Variants in RDX observed in about 807,000 individuals in gnomAD.
RDX encodes deafness, autosomal recessive 24.
RDX carries 32 observed loss-of-function variants against 83.7 expected under a neutral mutation model. The observed-to-expected ratio is 0.38, with a 90% CI of 0.29 to 0.51. RDX has a LOEUF of 0.51. RDX is among the 20% of genes least tolerant of loss of function. RDX has a pLI of 0.87. For missense variants in RDX, 600 were observed against 689.9 expected, an observed-to-expected ratio of 0.87 and a Z score of 1.46; for synonymous variants, 229 against 222.7, an observed-to-expected ratio of 1.03 and a Z score of -0.25.
intron 14 of RDX, among the ~76,000 whole-genome samples, chr11:110,201,903 T>TGTGTGTG (rs1863419936): frequency 7.3e-6 from 1 of 137,220 alleles, no homozygotes; most frequent in Non-Finnish European, 1.6e-5. Context: ...CCGGCTAATT[T>TGTGTGTG]TGTGTGTGTG....
intron 14 of RDX, among the ~76,000 whole-genome samples, chr11:110,217,006 A>T (rs74982988): frequency 0.019 from 2,854 of 152,244 alleles, 95 homozygotes; most frequent in African/African-American, 0.065. Flanking sequence ...CACTCTTTGG[A>T]CAGAGCAGGA....
chr11:110,236,307 T>C lies in RDX; in HGVS notation c.1252-116A>G, dbSNP rs575855028. The C allele has an allele frequency of 6.7e-6, 5 of 747,076 alleles. No individual in the cohort carries two copies. In the East Asian group the frequency reaches 1.4e-4, roughly 20 times the overall value. 46.3% of individuals were successfully genotyped at this position (747,076 alleles called of 1,614,324 possible). A position where few individuals can be genotyped will look rare whatever the true frequency, so the allele number is the denominator to read the frequency against. On this transcript the variant is annotated intron_variant, in intron 11 of 13. Transcript: ENST00000645495. ...TTTATGTTTTTCTTAGCCTTCCATT[T>C]AAAAAAATACAGTATTTCTTAAGAT...
At chr11:110,218,843 A>G (rs1864148521) in intron 14 of RDX, among the ~76,000 whole-genome samples, 1 of 152,160 alleles carries the variant, frequency 6.6e-6, no homozygotes, top group African/African-American at 2.4e-5. Flanking sequence ...CTGCAGTAAG[A>G]TCAGGTGCCT....
intron 2 of RDX, among the ~76,000 whole-genome samples, chr11:110,274,898 C>T (rs1024166724): frequency 1.5e-4 from 23 of 152,178 alleles, no homozygotes; most frequent in East Asian, 5.8e-4. Flanking sequence ...TACATGTCTC[C>T]GAGTGTCAGA....
chr11:110,209,000 A>G (rs1018594736), intron 14 of RDX, among the ~76,000 whole-genome samples: 3 of 152,216 alleles, frequency 2.0e-5, no homozygotes, highest in Non-Finnish European at 4.4e-5. Flanking sequence ...ATGGCCGAAT[A>G]GGAACAGCTC....
chr11:110,209,931 C>A (rs1170321860), intron 14 of RDX, among the ~76,000 whole-genome samples: 3 of 148,568 alleles, frequency 2.0e-5, no homozygotes, highest in Non-Finnish European at 4.5e-5. Flanking sequence ...AGCAGAGTGC[C>A]TCTCCTCCTC....
At chr11:110,260,282 G>A (rs191522506) in intron 5 of RDX, among the ~76,000 whole-genome samples, 140 of 152,060 alleles carry the variant, frequency 9.2e-4, no homozygotes, top group African/African-American at 3.1e-3. Flanking sequence ...CACCACACCC[G>A]GCTGGAAACT....
At chr11:110,181,141 C>T (rs973164082) in intron 15 of RDX, among the ~76,000 whole-genome samples, 8 of 149,548 alleles carry the variant, frequency 5.3e-5, no homozygotes, top group African/African-American at 7.4e-5. Flanking sequence ...CACACACACA[C>T]GCACACCAGC....
intron 2 of RDX, among the ~76,000 whole-genome samples, chr11:110,274,388 T>TA (rs553745581): frequency 8.5e-5 from 13 of 152,232 alleles, no homozygotes; most frequent in Non-Finnish European, 1.8e-4. Flanking sequence ...GTTTGTAAAA[T>TA]AGCTTCATTT....
At chr11:110,209,245 C>T (rs549651382) in intron 14 of RDX, among the ~76,000 whole-genome samples, 32 of 152,288 alleles carry the variant, frequency 2.1e-4, no homozygotes, top group African/African-American at 7.2e-4. Flanking sequence ...CCTGGAAAAT[C>T]GGGTCACTCC....
intron 3 of RDX, among the ~76,000 whole-genome samples, chr11:110,269,155 T>C (rs1188115611): frequency 6.6e-6 from 1 of 152,092 alleles, no homozygotes; most frequent in Admixed American, 6.5e-5. Flanking sequence ...TTTTGCAATA[T>C]TGGACAGGAA....
intron 15 of RDX, among the ~76,000 whole-genome samples, chr11:110,186,955 T>C (rs998599604): frequency 4.6e-5 from 7 of 152,176 alleles, no homozygotes; most frequent in South Asian, 2.1e-4. Flanking sequence ...CAGCCAGAAC[T>C]GGGCAGCAAA....
Position 110,216,378 on chromosome 11 carries a change from T to A in RDX, c.1748+15495A>T, listed in dbSNP as rs554458434. Among the ~76,000 whole-genome samples the A allele has an allele frequency of 4.4e-4, 58 of 131,316 alleles. 1 individual carries two copies. The South Asian group carries it at 0.012, about 27-fold the overall frequency. 86.1% of individuals were successfully genotyped at this position (131,316 alleles called of 152,430 possible). On this transcript the variant is annotated intron_variant, in intron 14 of 15. Transcript: ENST00000528498. ...GTTTGGCTTGCCAAACTTTTTCTAA[T>A]TTTTTTTTTTTTGAAACAGGGTCTT...
intron 15 of RDX, among the ~76,000 whole-genome samples, chr11:110,177,915 G>A (rs1369401332): frequency 6.6e-6 from 1 of 151,896 alleles, no homozygotes; most frequent in Non-Finnish European, 1.5e-5. Flanking sequence ...CATTCCCTGT[G>A]CCCTCCCCGA....
intron 10 of RDX, among the ~76,000 whole-genome samples, chr11:110,242,215 A>G (rs1865126152): frequency 6.6e-6 from 1 of 152,096 alleles, no homozygotes; most frequent in Admixed American, 6.6e-5. Flanking sequence ...CACTTTGGGA[A>G]GCCTAGGCGG....
At chr11:110,224,589 C>G (rs952789058), downstream of RDX, among the ~76,000 whole-genome samples, 2 of 152,154 alleles carry the variant, frequency 1.3e-5, no homozygotes, top group Admixed American at 6.6e-5. Context: ...TCTTGCATGT[C>G]TTTAATTTCT....
At chr11:110,259,229 C>T (rs1024819642) in intron 5 of RDX, among the ~76,000 whole-genome samples, 51 of 152,280 alleles carry the variant, frequency 3.3e-4, no homozygotes, top group African/African-American at 1.2e-3. Context: ...TGAGCTACCA[C>T]GCCCAGCCAA....
intron 12 of RDX, among the ~76,000 whole-genome samples, chr11:110,234,729 A>T (rs1466726800): frequency 6.6e-6 from 1 of 152,198 alleles, no homozygotes. Context: ...GGAAATTAAC[A>T]GTAGCATTCC....
At chr11:110,232,173 T>C in intron 13 of RDX, 140 bp from the exon 14 acceptor site, 1 of 709,952 alleles carries the variant, frequency 1.4e-6, no homozygotes, top group Non-Finnish European at 2.4e-6. Context: ...AAGTTTGTTT[T>C]AGTAATAGTG....
Sources: gnomAD v4.1 joint callset for allele counts (sites outside exome capture counted in the v4.1 genomes callset) on GRCh38, gnomAD v4.1.1 for gene constraint, MANE v1.5 for transcripts, NCBI Gene and HGNC (gene_info 2026-07-23, HGNC 2026-07-21) for gene names.